Variants in SLC9A4 observed in about 807,000 individuals in gnomAD.
The protein encoded by SLC9A4 is sodium/hydrogen exchanger 4.
A neutral mutation model predicts 67.4 loss-of-function variants in SLC9A4; 63 were observed. The observed-to-expected ratio is 0.93, with a 90% confidence interval of 0.76 to 1.15. The LOEUF (loss-of-function observed/expected upper bound fraction) is 1.15, where lower values mean the gene tolerates loss of function less well. SLC9A4 is among the 50% of genes most tolerant of loss of function. The pLI is 0.00. For synonymous variants in SLC9A4, 393 were observed against 367.2 expected, an observed-to-expected ratio of 1.07 and a Z score of -0.80; for missense variants, 1,089 against 987.7, an observed-to-expected ratio of 1.10 and a Z score of -1.38.
chr2:102,511,343 C>T (rs1685159544), intron 6 of SLC9A4, among the ~76,000 whole-genome samples: 1 of 152,140 alleles, frequency 6.6e-6, no homozygotes, highest in African/African-American at 2.4e-5. Context: ...CTATCTTTAT[C>T]TCCTATGATT....
At chr2:102,495,284 C>A (rs1277712176) in intron 2 of SLC9A4, among the ~76,000 whole-genome samples, 1 of 151,918 alleles carries the variant, frequency 6.6e-6, no homozygotes, top group African/African-American at 2.4e-5. Context: ...AAAAAGTACT[C>A]CCAAAACAGA....
chr2:102,483,557 C>T (rs1009143767), intron 2 of SLC9A4, among the ~76,000 whole-genome samples: 2 of 152,012 alleles, frequency 1.3e-5, no homozygotes, highest in Non-Finnish European at 1.5e-5. Context: ...TCCCAACAGT[C>T]GAAATATTGA....
Position 102,505,432 on chromosome 2 carries a change from T to G in SLC9A4, c.1159T>G (p.Cys387Gly), listed in dbSNP as rs759075599. 6.2e-6 allele frequency: 10 copies of G among 1,614,096 alleles called. No homozygotes were observed. Among genetic ancestry groups the G allele is most frequent in the Non-Finnish European group, 8.5e-6 (10 of 1,180,044 alleles). Reference protein sequence around the residue: ...KNHEWNWAFICFTLAFCQIWR... With the variant: ...KNHEWNWAFIGFTLAFCQIWR... ...TCACGAGTGGAACTGGGCCTTCATC[T>G]GCTTCACCCTGGCCTTCTGCCAAAT... Residue 387 changes from cysteine (C) to glycine (G), a missense_variant, in exon 4 of 12, where the codon TGC becomes GGC. Coordinates refer to ENST00000295269, the MANE Select transcript of SLC9A4 (RefSeq NM_001011552.4).
At chr2:102,531,473 C>T (rs1356162444) in intron 11 of SLC9A4, among the ~76,000 whole-genome samples, 1 of 152,152 alleles carries the variant, frequency 6.6e-6, no homozygotes, top group Non-Finnish European at 1.5e-5. Flanking sequence ...AGCCCTCCCT[C>T]TTACACGTGG....
intron 3 of SLC9A4, among the ~76,000 whole-genome samples, chr2:102,504,998 G>A (rs1685019768): frequency 6.6e-6 from 1 of 152,180 alleles, no homozygotes; most frequent in South Asian, 2.1e-4. Context: ...GTGCCCATGC[G>A]AATTACGTGT....
At chr2:102,514,547 G>A (rs1176557242) in intron 8 of SLC9A4, among the ~76,000 whole-genome samples, 1 of 152,168 alleles carries the variant, frequency 6.6e-6, no homozygotes, top group African/African-American at 2.4e-5. Context: ...TATTTTACAA[G>A]ACTGTCTCAT....
At chr2:102,503,731 T>A (rs1684992813) in intron 3 of SLC9A4, 24 bp downstream of exon 3, 2 of 1,609,700 alleles carry the variant, frequency 1.2e-6, no homozygotes, top group Non-Finnish European at 1.7e-6. Context: ...AAGGATCAAG[T>A]CACATAGTAA....
At chr2:102,524,527 T>C (rs956131247) in intron 9 of SLC9A4, among the ~76,000 whole-genome samples, 35 of 150,712 alleles carry the variant, frequency 2.3e-4, no homozygotes, top group Non-Finnish European at 4.0e-4. Context: ...GAGACTTTCT[T>C]CCTGAATTGA....
intron 1 of SLC9A4, among the ~76,000 whole-genome samples, chr2:102,475,033 G>A (rs1403702225): frequency 6.6e-6 from 1 of 152,164 alleles, no homozygotes; most frequent in Non-Finnish European, 1.5e-5. Context: ...TGGTATAGGT[G>A]TCCCCTTTAG....
chr2:102,515,459 G>C (rs2104442189), intron 8 of SLC9A4, among the ~76,000 whole-genome samples: 1 of 149,536 alleles, frequency 6.7e-6, no homozygotes, highest in Middle Eastern at 3.4e-3. Context: ...TTATTTCTTA[G>C]TGACTTTTCT....
intron 3 of SLC9A4, among the ~76,000 whole-genome samples, chr2:102,504,093 C>T (rs1358685861): frequency 6.6e-6 from 1 of 152,308 alleles, no homozygotes; most frequent in East Asian, 1.9e-4. Flanking sequence ...CGCTCTGTCG[C>T]CCAGGCTGGA....
intron 2 of SLC9A4, among the ~76,000 whole-genome samples, chr2:102,492,099 C>T (rs1684715067): frequency 6.6e-6 from 1 of 152,242 alleles, no homozygotes. Flanking sequence ...CAGCTCTGCC[C>T]CTGTGGCTTT....
At chr2:102,511,532 C>A (rs1454380014) in intron 6 of SLC9A4, among the ~76,000 whole-genome samples, 1 of 151,706 alleles carries the variant, frequency 6.6e-6, no homozygotes, top group Non-Finnish European at 1.5e-5. Flanking sequence ...ATTCAGAAGC[C>A]AGTATAGACT....
intron 2 of SLC9A4, among the ~76,000 whole-genome samples, 184 bp downstream of exon 2, chr2:102,479,486 G>A (rs1684413727): frequency 6.6e-6 from 1 of 152,132 alleles, no homozygotes; most frequent in Non-Finnish European, 1.5e-5. Context: ...CCTACATAAC[G>A]GTTCACTCAC....
chr2:102,502,038 G>C (rs1056470935), intron 2 of SLC9A4, among the ~76,000 whole-genome samples: 5 of 152,134 alleles, frequency 3.3e-5, no homozygotes, highest in Non-Finnish European at 7.3e-5. Context: ...ATTTCCTTGA[G>C]TTTTAGCTTC....
rs1386180973 is a variant in SLC9A4, at chr2:102,489,316, G to A, written c.720+10014G>A. Among the ~76,000 whole-genome samples the A allele has an allele frequency of 2.6e-5, 4 of 152,202 alleles. No homozygotes were observed. The East Asian group carries it at 7.7e-4, about 29-fold the overall frequency. On this transcript the variant is annotated intron_variant, in intron 2 of 11. Transcript: ENST00000295269. ...CAGGTGTTGGTGGAGGTGGATGATA[G>A]TATTAGGTTGGTTTTTAATTGTTGA...
intron 1 of SLC9A4, among the ~76,000 whole-genome samples, chr2:102,474,331 A>G (rs1684283038): frequency 6.6e-6 from 1 of 152,210 alleles, no homozygotes; most frequent in Non-Finnish European, 1.5e-5. Flanking sequence ...AATATAGAGA[A>G]TAAAGCACGT....
intron 2 of SLC9A4, among the ~76,000 whole-genome samples, chr2:102,494,844 A>G (rs1166750970): frequency 6.6e-6 from 1 of 152,158 alleles, no homozygotes; most frequent in Non-Finnish European, 1.5e-5. Context: ...TGAATTAAAA[A>G]TTGACAAATT....
intron 8 of SLC9A4, among the ~76,000 whole-genome samples, chr2:102,517,081 G>T (rs916620628): frequency 6.6e-6 from 1 of 152,142 alleles, no homozygotes; most frequent in Non-Finnish European, 1.5e-5. Context: ...TAGGATGCAG[G>T]TTCTGATGCC....
Sources: gnomAD v4.1 joint callset for allele counts (sites outside exome capture counted in the v4.1 genomes callset) on GRCh38, gnomAD v4.1.1 for gene constraint, MANE v1.5 for transcripts, NCBI Gene and HGNC (gene_info 2026-07-23, HGNC 2026-07-21) for gene names.